AGBL1: variants seen among roughly 807,000 people sequenced by gnomAD.
The protein encoded by AGBL1 is cytosolic carboxypeptidase 4.
A neutral mutation model predicts 118.9 loss-of-function variants in AGBL1; 130 were observed. The ratio of observed to expected loss-of-function variants is 1.09; its 90% confidence interval spans 0.95 to 1.26. The LOEUF is 1.26. Among genes scored for constraint, AGBL1 ranks in the 50% most tolerant of loss-of-function variants. AGBL1 has a pLI of 0.00. For missense variants in AGBL1, 1,584 were observed against 1,298.1 expected (o/e 1.22, Z -3.38); for synonymous variants, 555 against 478.9 (o/e 1.16, Z -2.08).
intron 23 of AGBL1, among the ~76,000 whole-genome samples, chr15:86,925,778 T>C (rs551609048): frequency 9.3e-5 from 14 of 151,134 alleles, no homozygotes; most frequent in Admixed American, 8.6e-4. Context: ...TCACCCAGGC[T>C]GGAGTGCAGT....
chr15:86,833,227 A>T (rs2079130496), intron 22 of AGBL1, among the ~76,000 whole-genome samples: 1 of 152,044 alleles, frequency 6.6e-6, no homozygotes, highest in Non-Finnish European at 1.5e-5. Flanking sequence ...TAATGGCAAA[A>T]AGAGTATGTC....
chr15:86,479,170 G>A (rs888753932), intron 18 of AGBL1, among the ~76,000 whole-genome samples: 1 of 152,082 alleles, frequency 6.6e-6, no homozygotes, highest in Non-Finnish European at 1.5e-5. Flanking sequence ...ACATAGGCAT[G>A]GGCAAGGACT....
intron 19 of AGBL1, among the ~76,000 whole-genome samples, chr15:86,541,959 A>G (rs1447878619): frequency 1.3e-5 from 2 of 152,240 alleles, no homozygotes; most frequent in East Asian, 1.9e-4. Flanking sequence ...CGTGGGCAAC[A>G]TGTGTGGGAG....
intron 21 of AGBL1, among the ~76,000 whole-genome samples, chr15:86,633,155 T>C (rs1167602768): frequency 6.6e-6 from 1 of 152,186 alleles, no homozygotes; most frequent in East Asian, 1.9e-4. Context: ...AAACATAGAT[T>C]ATCTGACTAC....
intron 24 of AGBL1, among the ~76,000 whole-genome samples, chr15:86,991,455 T>G (rs2081335112): frequency 6.6e-6 from 1 of 151,964 alleles, no homozygotes; most frequent in Admixed American, 6.6e-5. Flanking sequence ...TATTTATTTA[T>G]TTATTTATTT....
intron 22 of AGBL1, among the ~76,000 whole-genome samples, chr15:86,906,431 C>T (rs1277363267): frequency 6.6e-6 from 1 of 151,894 alleles, no homozygotes; most frequent in Non-Finnish European, 1.5e-5. Flanking sequence ...AGCACAAACA[C>T]TGTAGAAGCA....
At chr15:86,476,416 G>T (rs2082559910) in intron 18 of AGBL1, among the ~76,000 whole-genome samples, 1 of 152,088 alleles carries the variant, frequency 6.6e-6, no homozygotes, top group South Asian at 2.1e-4. Flanking sequence ...ACAAAAAAAG[G>T]CAGGGGTTGC....
chr15:86,200,562 C>CCCTTT (rs1491108580), intron 5 of AGBL1, among the ~76,000 whole-genome samples: 2 of 95,146 alleles, frequency 2.1e-5, no homozygotes, highest in African/African-American at 4.1e-5. Flanking sequence ...CCCCCCCCCC[C>CCCTTT]TTTTTTTTTT....
chr15:86,899,660 T>C (rs1474731729), intron 22 of AGBL1, among the ~76,000 whole-genome samples: 1 of 152,178 alleles, frequency 6.6e-6, no homozygotes, highest in Non-Finnish European at 1.5e-5. Flanking sequence ...TCATTTTACC[T>C]CACATGAAGA....
intron 18 of AGBL1, among the ~76,000 whole-genome samples, chr15:86,423,710 G>A (rs191503354): frequency 1.6e-3 from 246 of 152,254 alleles, no homozygotes; most frequent in Middle Eastern, 0.01. Context: ...AAATCAATGT[G>A]TGAAAATCAC....
intron 1 of AGBL1, among the ~76,000 whole-genome samples, chr15:86,085,276 G>T: frequency 6.6e-6 from 1 of 152,286 alleles, no homozygotes; most frequent in African/African-American, 2.4e-5. Flanking sequence ...GATGAGGAGG[G>T]TGCCTAGTGA....
intron 22 of AGBL1, among the ~76,000 whole-genome samples, chr15:86,783,039 A>C (rs2078356562): frequency 6.6e-6 from 1 of 152,194 alleles, no homozygotes; most frequent in South Asian, 2.1e-4. Flanking sequence ...TAAAAGGCTG[A>C]GAAAAACAGT....
intron 22 of AGBL1, among the ~76,000 whole-genome samples, chr15:86,807,574 C>T (rs907052357): frequency 4.0e-5 from 6 of 151,876 alleles, no homozygotes; most frequent in Admixed American, 1.3e-4. Flanking sequence ...GGCCATGCAG[C>T]CTATAGGTAT....
At chr15:86,324,778 A>T (rs947095770) in intron 17 of AGBL1, among the ~76,000 whole-genome samples, 2 of 152,218 alleles carry the variant, frequency 1.3e-5, no homozygotes, top group African/African-American at 4.8e-5. Flanking sequence ...CTTTGAAAAG[A>T]CATTTAAGCC....
chr15:86,736,188 C>A (rs1314385224), intron 22 of AGBL1, among the ~76,000 whole-genome samples: 1 of 152,120 alleles, frequency 6.6e-6, no homozygotes, highest in African/African-American at 2.4e-5. Flanking sequence ...CAAGACCATC[C>A]TGTCCAATAT....
chr15:86,439,010 C>T (rs1050320719), intron 18 of AGBL1, among the ~76,000 whole-genome samples: 3 of 152,054 alleles, frequency 2.0e-5, no homozygotes, highest in Non-Finnish European at 4.4e-5. Flanking sequence ...TTGTCTCCTG[C>T]CTACCAAGCC....
chr15:87,014,324 A>C lies in AGBL1; in HGVS notation c.3324-14501A>C, dbSNP rs1335045036. Among the ~76,000 whole-genome samples the C allele has an allele frequency of 2.7e-4, 41 of 152,170 alleles. 1 individual carries two copies. Among genetic ancestry groups the C allele is most frequent in the Admixed American group, 2.6e-3 (40 of 15,268 alleles). On this transcript the variant is annotated intron_variant, in intron 24 of 24. Coordinates refer to the AGBL1 transcript ENST00000441037. ...TTCTTATTTCAATTTTCCCTCTCTT[A>C]ATTCTATTGCGTGATCTTAGGCAAG...
chr15:86,935,310 G>A (rs1005146756), intron 23 of AGBL1: 8 of 152,194 alleles, frequency 5.3e-5, no homozygotes, highest in African/African-American at 1.9e-4. Context: ...ACCACACGGA[G>A]TTATGGTTAT....
At chr15:86,481,044 G>T (rs955872541) in intron 18 of AGBL1, among the ~76,000 whole-genome samples, 1 of 151,526 alleles carries the variant, frequency 6.6e-6, no homozygotes, top group African/African-American at 2.4e-5. Context: ...AGTTAAGAGG[G>T]AGGTAGCAGA....
Sources: allele counts gnomAD v4.1 joint callset (sites outside exome capture counted in the v4.1 genomes callset), GRCh38; gene constraint gnomAD v4.1.1; transcripts MANE v1.5; gene names NCBI Gene and HGNC (gene_info 2026-07-23, HGNC 2026-07-21).